The following EEF1AKMT2 variants were observed in gnomAD, a reference collection of about 807,000 sequenced individuals.
EEF1AKMT2 encodes the protein eukaryotic translation elongation factor 1 alpha lysine methyltransferase 2.
EEF1AKMT2 carries 32 observed loss-of-function variants against 35.8 expected under a neutral mutation model. The observed-to-expected ratio is 0.89, with a 90% CI of 0.67 to 1.20. The LOEUF is 1.20. EEF1AKMT2 is among the 50% of genes most tolerant of loss of function. The pLI is 0.00. For missense variants in EEF1AKMT2, 330 were observed against 347.5 expected, an observed-to-expected ratio of 0.95 and a Z score of 0.40; for synonymous variants, 121 against 133.7, an observed-to-expected ratio of 0.91 and a Z score of 0.65.
rs569478932 is a variant in EEF1AKMT2, at chr10:124,759,906, T to C, written c.*597A>G. On this transcript the variant is annotated 3_prime_UTR_variant, in exon 7 of 7. Coordinates refer to ENST00000368836, the MANE Select transcript of EEF1AKMT2 (RefSeq NM_212554.4). Reference sequence around the variant, plus strand: ...TATATACATAAAGGTAAGAGGCCTTTTCACAGGTATTAATTAAGTTTAAAA... The same window carrying C: ...TATATACATAAAGGTAAGAGGCCTTCTCACAGGTATTAATTAAGTTTAAAA... 3.9e-5 allele frequency: 6 copies of C among 152,862 alleles called. No homozygotes were observed. The East Asian group carries it at 1.2e-3, about 29-fold the overall frequency. 9.5% of individuals were successfully genotyped at this position (152,862 alleles called of 1,614,324 possible).
intron 6 of EEF1AKMT2, among the ~76,000 whole-genome samples, chr10:124,761,589 A>G (rs1950331670): frequency 1.3e-5 from 2 of 152,212 alleles, no homozygotes; most frequent in Non-Finnish European, 2.9e-5. Flanking sequence ...CCTAGGTTCA[A>G]AAAATTAACT....
At chr10:124,785,296 CT>C (rs1384440424) in intron 3 of EEF1AKMT2, among the ~76,000 whole-genome samples, 2 of 127,500 alleles carry the variant, frequency 1.6e-5, no homozygotes, top group East Asian at 4.6e-4. Context: ...AGTGTTAAAA[CT>C]TTAAACAAAA....
At chr10:124,765,677 C>G (rs1950372857) in intron 4 of EEF1AKMT2, 69 bp from the exon 5 acceptor site, 2 of 1,172,312 alleles carry the variant, frequency 1.7e-6, no homozygotes, top group South Asian at 2.8e-5. Context: ...AAGTGACAAC[C>G]TGTAAAAGGT....
At chr10:124,767,126 A>T (rs546888161) in intron 4 of EEF1AKMT2, among the ~76,000 whole-genome samples, 3 of 147,632 alleles carry the variant, frequency 2.0e-5, no homozygotes, top group East Asian at 4.0e-4. Context: ...ACGCCATTGC[A>T]CTCCAGCCTG....
At chr10:124,784,221 A>G (rs1950565843) in intron 3 of EEF1AKMT2, among the ~76,000 whole-genome samples, 1 of 152,208 alleles carries the variant, frequency 6.6e-6, no homozygotes. Flanking sequence ...GATTGAAATC[A>G]TACAAATCAT....
chr10:124,758,012 T>TGG lies in EEF1AKMT2; in HGVS notation c.*2489_*2490dup, dbSNP rs1374277197. On this transcript the variant is annotated 3_prime_UTR_variant, in exon 7 of 7. Coordinates refer to ENST00000368836, the MANE Select transcript of EEF1AKMT2 (RefSeq NM_212554.4). Reference sequence around the variant, plus strand: ...CACCCATTCAGGCCTCAATTCCCTTTGGACTTGCACACGCACTTCCTACAC... The same window carrying TGG: ...CACCCATTCAGGCCTCAATTCCCTTTGGGGACTTGCACACGCACTTCCTACAC... 6.6e-6 allele frequency: 1 copy of TGG among 152,252 alleles called. No individual in the cohort carries two copies. The highest frequency in any genetic ancestry group is 2.4e-5 in the African/African-American group (1 of 41,470). 9.4% of individuals were successfully genotyped at this position (152,252 alleles called of 1,614,324 possible).
chr10:124,762,267 T>C, intron 6 of EEF1AKMT2, 33 bp downstream of exon 6: 1 of 1,063,672 alleles, frequency 9.4e-7, no homozygotes, highest in Non-Finnish European at 1.2e-6. Context: ...TATTTTGCTT[T>C]TAAAAAATAA....
intron 3 of EEF1AKMT2, among the ~76,000 whole-genome samples, chr10:124,777,978 C>T (rs924846878): frequency 6.6e-6 from 1 of 151,504 alleles, no homozygotes; most frequent in African/African-American, 2.4e-5. Context: ...CCCTCTATAT[C>T]CACAGGGGTT....
intron 3 of EEF1AKMT2, among the ~76,000 whole-genome samples, chr10:124,783,374 C>CCT (rs1950559614): frequency 6.6e-6 from 1 of 152,058 alleles, no homozygotes; most frequent in African/African-American, 2.4e-5. Flanking sequence ...AAACTGCTGA[C>CCT]CTCAAGTGAT....
At position 124,765,571 on chromosome 10, in the gene EEF1AKMT2, C is replaced by T. The variant is rs745810528; in HGVS notation, c.437G>A (p.Gly146Glu). ...CCCTTTGTCAATACAAATATGAAAT[C>T]CAGACAGCTGTGTGGAGAGATTCAA... ...DFLNLSTQLS[G>E]FHICIDKGTF... Residue 146 changes from glycine (G) to glutamate (E), a missense_variant, in exon 5 of 7, where the codon GGA becomes GAA. Transcript: ENST00000368836. The T allele has an allele frequency of 5.0e-6, 8 of 1,613,678 alleles. No homozygotes were observed. The highest frequency in any genetic ancestry group is 6.8e-6 in the Non-Finnish European group (8 of 1,179,894).
chr10:124,765,494 G>A lies in EEF1AKMT2; in HGVS notation c.514C>T (p.Gln172Ter), dbSNP rs1950371351. The A allele has an allele frequency of 6.2e-7, 1 of 1,613,860 alleles. No homozygotes were observed. Among genetic ancestry groups the A allele is most frequent in the Non-Finnish European group, 8.5e-7 (1 of 1,179,886 alleles). Residue 172 changes from glutamine to a stop codon, truncating the protein, a stop_gained, in exon 5 of 7, where the codon CAA becomes TAA. Transcript: ENST00000368836. LOFTEE classifies it high-confidence loss of function. Reference protein sequence around the residue: ...NPDNAIEKRKQYVKSLSRVLK... With the variant: ...NPDNAIEKRK The stretch of plus-strand genomic sequence containing the variant: ...ACCCTGGAGAGAGATTTCACATATT[G>A]CTTCCTCTTCTCAATTGCATTGTCA...
chr10:124,777,087 C>A (rs1263656047), intron 3 of EEF1AKMT2, among the ~76,000 whole-genome samples: 5 of 151,806 alleles, frequency 3.3e-5, no homozygotes, highest in Non-Finnish European at 7.4e-5. Context: ...TGAGACCAGC[C>A]TGGCCAACAC....
chr10:124,787,511 A>T (rs1950596325), intron 3 of EEF1AKMT2, among the ~76,000 whole-genome samples: 1 of 151,968 alleles, frequency 6.6e-6, no homozygotes, highest in Non-Finnish European at 1.5e-5. Context: ...TATACCTTCA[A>T]AAACAGGCAA....
intron 3 of EEF1AKMT2, among the ~76,000 whole-genome samples, chr10:124,777,357 G>A (rs561820670): frequency 1.6e-4 from 24 of 151,622 alleles, no homozygotes; most frequent in African/African-American, 5.8e-4. Flanking sequence ...ACACAGTCAT[G>A]TGTCACCATG....
intron 4 of EEF1AKMT2, among the ~76,000 whole-genome samples, chr10:124,766,462 T>G (rs1950378781): frequency 6.6e-6 from 1 of 152,230 alleles, no homozygotes. Flanking sequence ...GTTAATAACC[T>G]GATGCATACT....
chr10:124,762,233 A>T, intron 6 of EEF1AKMT2, 67 bp downstream of exon 6: 1 of 1,034,340 alleles, frequency 9.7e-7, no homozygotes, highest in Non-Finnish European at 1.2e-6. Flanking sequence ...GTGTTTTCCT[A>T]AACTATGAAA....
chr10:124,779,216 A>G (rs1015541556), intron 3 of EEF1AKMT2, among the ~76,000 whole-genome samples: 2 of 152,026 alleles, frequency 1.3e-5, no homozygotes, highest in African/African-American at 4.8e-5. Flanking sequence ...CTGCAGCCTC[A>G]ACCTCCCCAG....
At chr10:124,768,867 AATG>A (rs1373821627) in intron 4 of EEF1AKMT2, among the ~76,000 whole-genome samples, 1 of 152,114 alleles carries the variant, frequency 6.6e-6, no homozygotes, top group East Asian at 1.9e-4. Context: ...AACAAGAAAT[AATG>A]GTGGTTCGGA....
chr10:124,764,223 T>G (rs1950357602), intron 5 of EEF1AKMT2, among the ~76,000 whole-genome samples: 1 of 151,828 alleles, frequency 6.6e-6, no homozygotes, highest in Non-Finnish European at 1.5e-5. Flanking sequence ...GGTTCAAAAT[T>G]TAACCAAATA....
Sources: allele counts gnomAD v4.1 joint callset (sites outside exome capture counted in the v4.1 genomes callset), GRCh38; gene constraint gnomAD v4.1.1; transcripts MANE v1.5; gene names NCBI Gene and HGNC (gene_info 2026-07-23, HGNC 2026-07-21).